Variants in CNST observed in about 807,000 individuals in gnomAD.
The protein encoded by CNST is consortin, connexin sorting protein.
A neutral mutation model predicts 72.4 loss-of-function variants in CNST; 39 were observed. That is an observed-to-expected ratio of 0.54 (90% CI 0.42 to 0.70). The LOEUF (loss-of-function observed/expected upper bound fraction) is 0.70, where lower values mean the gene tolerates loss of function less well. CNST is among the 30% of genes least tolerant of loss of function. The pLI, the probability that CNST is intolerant of heterozygous loss-of-function variation, is 0.00. For synonymous variants in CNST, 332 were observed against 320.1 expected, an observed-to-expected ratio of 1.04 and a Z score of -0.40; for missense variants, 871 against 868.5, an observed-to-expected ratio of 1.00 and a Z score of -0.04.
chr1:246,598,769 T>C (rs945909578), intron 2 of CNST, among the ~76,000 whole-genome samples: 1 of 152,142 alleles, frequency 6.6e-6, no homozygotes, highest in Non-Finnish European at 1.5e-5. Flanking sequence ...ATTCAAATTT[T>C]TAAAATGTAA....
chr1:246,630,724 G>C (rs562913031), intron 3 of CNST, among the ~76,000 whole-genome samples: 1 of 152,188 alleles, frequency 6.6e-6, no homozygotes, highest in Admixed American at 6.5e-5. Context: ...ACAATCTGTG[G>C]AAACCATTTT....
chr1:246,645,584 C>A (rs1279617324), intron 8 of CNST, among the ~76,000 whole-genome samples: 2 of 151,756 alleles, frequency 1.3e-5, no homozygotes, highest in Non-Finnish European at 2.9e-5. Flanking sequence ...CCCGCCACCG[C>A]GCCCGGCTAA....
At chr1:246,651,713 A>G (rs1319377586) in intron 9 of CNST, among the ~76,000 whole-genome samples, 6 of 152,254 alleles carry the variant, frequency 3.9e-5, no homozygotes, top group Admixed American at 3.3e-4. Context: ...ATAGCTTAAT[A>G]TCTGAAGTAT....
intron 9 of CNST, among the ~76,000 whole-genome samples, chr1:246,659,376 C>T (rs61852425): frequency 0.07 from 10,727 of 152,176 alleles, 439 homozygotes; most frequent in Middle Eastern, 0.1. Context: ...GGGCAGATCA[C>T]GAGGTCAGGA....
intron 2 of CNST, among the ~76,000 whole-genome samples, chr1:246,619,239 TG>T (rs1049856974): frequency 1.3e-5 from 2 of 152,246 alleles, no homozygotes; most frequent in African/African-American, 4.8e-5. Context: ...CTTTTGGTTT[TG>T]CTGCTATGGT....
intron 9 of CNST, among the ~76,000 whole-genome samples, chr1:246,659,467 T>A (rs138215935): frequency 1.1e-3 from 174 of 152,014 alleles, no homozygotes; most frequent in Admixed American, 7.2e-3. Flanking sequence ...TGGTGGCGGG[T>A]GCCTGTAGTC....
At chr1:246,659,311 C>G (rs969529547) in intron 9 of CNST, among the ~76,000 whole-genome samples, 1 of 152,136 alleles carries the variant, frequency 6.6e-6, no homozygotes, top group African/African-American at 2.4e-5. Context: ...TAATATGTCC[C>G]AGGCCGGGTG....
chr1:246,646,483 T>G (rs952147278), intron 8 of CNST, among the ~76,000 whole-genome samples: 1 of 151,880 alleles, frequency 6.6e-6, no homozygotes, highest in Non-Finnish European at 1.5e-5. Flanking sequence ...TGTCTTTTTT[T>G]GTTTGTTTGT....
At chr1:246,650,351 C>G (rs567423239) in intron 9 of CNST, among the ~76,000 whole-genome samples, 1 of 152,272 alleles carries the variant, frequency 6.6e-6, no homozygotes, top group Non-Finnish European at 1.5e-5. Context: ...ACCCCAAAAG[C>G]TACATATACA....
intron 1 of CNST, among the ~76,000 whole-genome samples, chr1:246,580,414 C>T (rs1042331433): frequency 3.7e-4 from 55 of 150,360 alleles, no homozygotes; most frequent in African/African-American, 1.2e-3. Context: ...ATTATTTTGC[C>T]ATTTACCAAT....
chr1:246,639,459 G>C (rs538233408), intron 6 of CNST, among the ~76,000 whole-genome samples: 2 of 152,092 alleles, frequency 1.3e-5, no homozygotes, highest in African/African-American at 4.8e-5. Flanking sequence ...GTGTGCGGTC[G>C]GTTGTGAGCC....
rs565629832 is a variant in CNST, at chr1:246,610,797, C to A, written c.380-10632C>A. On this transcript the variant is annotated intron_variant, in intron 2 of 10. Coordinates refer to ENST00000366513, the MANE Select transcript of CNST (RefSeq NM_152609.3). Reference sequence around the variant, plus strand: ...GGCCCTTTCTAAGCGTGCGTCGTGTCCTGAGCTGTCGCGTGTAGCTTTCTG... The same window carrying A: ...GGCCCTTTCTAAGCGTGCGTCGTGTACTGAGCTGTCGCGTGTAGCTTTCTG... Among the ~76,000 whole-genome samples the A allele has an allele frequency of 4.6e-5, 7 of 151,920 alleles. No individual in the cohort carries two copies. The East Asian group carries it at 1.4e-3, about 29-fold the overall frequency.
chr1:246,650,676 CTTTTTTT>C (rs10693662), intron 9 of CNST, among the ~76,000 whole-genome samples: 2 of 127,682 alleles, frequency 1.6e-5, no homozygotes, highest in African/African-American at 5.9e-5. Flanking sequence ...TTAATTCAAA[CTTTTTTT>C]TTTTTTTTTT....
At chr1:246,608,152 C>G (rs1663035659) in intron 2 of CNST, 1 of 151,856 alleles carries the variant, frequency 6.6e-6, no homozygotes. Context: ...GAACCTGTCT[C>G]TACAAAAAAA....
chr1:246,630,430 A>G (rs1362413294), intron 3 of CNST, among the ~76,000 whole-genome samples: 1 of 152,252 alleles, frequency 6.6e-6, no homozygotes, highest in African/African-American at 2.4e-5. Context: ...TATAACATAA[A>G]TATGGAATCA....
intron 4 of CNST, 45 bp from the exon 5 acceptor site, chr1:246,633,879 A>T (rs1664956996): frequency 2.3e-6 from 3 of 1,284,928 alleles, no homozygotes; most frequent in Non-Finnish European, 3.4e-6. Flanking sequence ...TATGGGAATA[A>T]TGTAAATAGT....
At chr1:246,602,535 CAA>C (rs745796252) in intron 2 of CNST, among the ~76,000 whole-genome samples, 2 of 152,148 alleles carry the variant, frequency 1.3e-5, no homozygotes, top group South Asian at 2.1e-4. Flanking sequence ...GGCTAGCAGT[CAA>C]AGAGAGAGAG....
At chr1:246,573,025 C>T (rs57867606) in intron 1 of CNST, among the ~76,000 whole-genome samples, 3,444 of 152,184 alleles carry the variant, frequency 0.023, 140 homozygotes, top group African/African-American at 0.078. Flanking sequence ...GAGGGGTGGA[C>T]GTTTGTGCAA....
chr1:246,646,006 G>A (rs1345613148), intron 8 of CNST, among the ~76,000 whole-genome samples: 1 of 151,942 alleles, frequency 6.6e-6, no homozygotes, highest in Non-Finnish European at 1.5e-5. Context: ...GTTGCTCGGC[G>A]TGGTGGCTCA....
Sources: gnomAD v4.1 joint callset for allele counts (sites outside exome capture counted in the v4.1 genomes callset) on GRCh38, gnomAD v4.1.1 for gene constraint, MANE v1.5 for transcripts, NCBI Gene and HGNC (gene_info 2026-07-23, HGNC 2026-07-21) for gene names.